The following RAD9B variants were observed in gnomAD, a reference collection of about 807,000 sequenced individuals.
RAD9B encodes the protein RAD9 checkpoint clamp component B, also known as cell cycle checkpoint control protein RAD9B.
A neutral mutation model predicts 48.3 loss-of-function variants in RAD9B; 41 were observed. The ratio of observed to expected loss-of-function variants is 0.85; its 90% confidence interval spans 0.66 to 1.10. The LOEUF (loss-of-function observed/expected upper bound fraction) is 1.10. Among genes scored for constraint, RAD9B ranks in the 50% least tolerant of loss-of-function variants. The probability of loss-of-function intolerance (pLI) is 0.00; values close to 1 mark genes in which losing one functional copy is unlikely to be tolerated. For missense variants in RAD9B, 444 were observed against 485.1 expected (o/e 0.92, Z 0.80); for synonymous variants, 160 against 157.9 (o/e 1.01, Z -0.10).
In RAD9B at chr12:110,503,801, C is replaced by T. The variant is rs1344734331; in HGVS notation, c.47-5C>T. 6.2e-7 allele frequency: 1 copy of T among 1,602,900 alleles called. No homozygotes were observed. Among genetic ancestry groups the T allele is most frequent in the East Asian group, 2.2e-5 (1 of 44,762 alleles). ...TATAAGCATCACCTTTCTTTTTCTC[C>T]ATAGTATTTGGGAAAGCAGTTCAAG... is the stretch of plus-strand genomic sequence containing the variant. On this transcript the variant is annotated splice_region_variant and splice_polypyrimidine_tract_variant and intron_variant, in intron 1 of 10. Coordinates refer to ENST00000409300, the MANE Select transcript of RAD9B (RefSeq NM_001286535.2).
At chr12:110,522,502 T>G in intron 10 of RAD9B, 91 bp downstream of exon 10, 1 of 874,488 alleles carries the variant, frequency 1.1e-6, no homozygotes, top group Non-Finnish European at 1.8e-6. Context: ...CCCAGCCATG[T>G]TCTGAAAATT....
At chr12:110,510,174 C>T (rs920685160) in intron 4 of RAD9B, among the ~76,000 whole-genome samples, 1 of 152,202 alleles carries the variant, frequency 6.6e-6, no homozygotes, top group African/African-American at 2.4e-5. Context: ...CATGTTTCCT[C>T]CTCAGGGTGT....
At chr12:110,530,105 C>T (rs767917771) in intron 10 of RAD9B, among the ~76,000 whole-genome samples, 1 of 152,118 alleles carries the variant, frequency 6.6e-6, no homozygotes, top group African/African-American at 2.4e-5. Context: ...TGCAGTGGCA[C>T]GATCTCGGCT....
At chr12:110,523,389 T>G (rs1013106394) in intron 10 of RAD9B, among the ~76,000 whole-genome samples, 6 of 152,168 alleles carry the variant, frequency 3.9e-5, no homozygotes, top group African/African-American at 1.4e-4. Context: ...ATCGCACAAC[T>G]GCACTCCAGC....
intron 10 of RAD9B, among the ~76,000 whole-genome samples, chr12:110,527,904 C>T (rs538108395): frequency 1.3e-4 from 20 of 152,016 alleles, no homozygotes; most frequent in Admixed American, 8.5e-4. Context: ...TCAGGGAGGG[C>T]GGCCTGTGCA....
chr12:110,511,847 C>T (rs948615330), intron 4 of RAD9B, among the ~76,000 whole-genome samples: 4 of 151,806 alleles, frequency 2.6e-5, no homozygotes, highest in African/African-American at 9.7e-5. Flanking sequence ...GTACCCCATA[C>T]ATTTTTTCTT....
chr12:110,506,835 G>A, intron 4 of RAD9B, 142 bp downstream of exon 4: 1 of 470,974 alleles, frequency 2.1e-6, no homozygotes, highest in East Asian at 4.2e-5. Flanking sequence ...GCAGTTTGAA[G>A]TATTATCCTT....
intron 2 of RAD9B, among the ~76,000 whole-genome samples, chr12:110,504,890 C>T (rs1359341853): frequency 6.6e-6 from 1 of 151,918 alleles, no homozygotes; most frequent in Non-Finnish European, 1.5e-5. Context: ...GTAGTCCCAG[C>T]TACTTGGAAG....
intron 5 of RAD9B, among the ~76,000 whole-genome samples, chr12:110,514,136 C>T (rs1207999340): frequency 6.6e-6 from 1 of 151,818 alleles, no homozygotes; most frequent in Non-Finnish European, 1.5e-5. Flanking sequence ...TATTTGGTAT[C>T]TTGTATAACT....
chr12:110,504,777 A>G (rs2063210349), intron 2 of RAD9B, among the ~76,000 whole-genome samples: 1 of 152,150 alleles, frequency 6.6e-6, no homozygotes, highest in South Asian at 2.1e-4. Context: ...CAGGAGGATC[A>G]CTTGAGCCCA....
chr12:110,530,209 A>AT lies in RAD9B; in HGVS notation c.1126-307dup, dbSNP rs531997625. ...AGGTGTCCGCCACCACACCCAGCTA[A>AT]TTTTTTTTTGTATTTTTAGTAGAGA... On this transcript the variant is annotated intron_variant, in intron 10 of 10. Transcript: ENST00000409300. Among the ~76,000 whole-genome samples the AT allele has an allele frequency of 4.5e-3, 683 of 150,888 alleles. 5 individuals carry two copies. Among genetic ancestry groups the AT allele is most frequent in the Non-Finnish European group, 7.3e-3 (491 of 67,612 alleles).
chr12:110,520,628 C>CTTTTTTTTTTTTTTTT (rs71083129), intron 9 of RAD9B, among the ~76,000 whole-genome samples: 133 of 99,852 alleles, frequency 1.3e-3, no homozygotes, highest in East Asian at 1.9e-3. Context: ...TTCTTGCTTT[C>CTTTTTTTTTTTTTTTT]TTTTTTTTTT....
At chr12:110,525,026 G>A (rs1022100519) in intron 10 of RAD9B, among the ~76,000 whole-genome samples, 16 of 151,416 alleles carry the variant, frequency 1.1e-4, no homozygotes, top group South Asian at 4.2e-4. Flanking sequence ...TTTCATTTTC[G>A]CCCAGGCTAG....
At chr12:110,529,739 A>G (rs73191838) in intron 10 of RAD9B, among the ~76,000 whole-genome samples, 7,899 of 152,286 alleles carry the variant, frequency 0.052, 279 homozygotes, top group Middle Eastern at 0.095. Flanking sequence ...GCAAAACCTG[A>G]TAACAAATAA....
At chr12:110,522,892 T>C (rs1275990829) in intron 10 of RAD9B, among the ~76,000 whole-genome samples, 1 of 152,214 alleles carries the variant, frequency 6.6e-6, no homozygotes, top group African/African-American at 2.4e-5. Flanking sequence ...TCCCAGTTAA[T>C]AACATCTTAT....
intron 9 of RAD9B, 113 bp from the exon 10 acceptor site, chr12:110,522,063 TC>T (rs1421063024): frequency 3.0e-6 from 2 of 670,214 alleles, no homozygotes; most frequent in Non-Finnish European, 5.1e-6. Context: ...TCCATGTATT[TC>T]AATATATTCC....
chr12:110,521,449 C>T (rs1271008486), intron 9 of RAD9B, among the ~76,000 whole-genome samples: 4 of 152,042 alleles, frequency 2.6e-5, no homozygotes, highest in South Asian at 2.1e-4. Context: ...CCACTGCACC[C>T]GGCCTATCCT....
intron 4 of RAD9B, among the ~76,000 whole-genome samples, chr12:110,507,459 TAAG>T (rs1411910763): frequency 8.6e-6 from 1 of 115,702 alleles, no homozygotes; most frequent in East Asian, 2.5e-4. Flanking sequence ...TAACACGTAT[TAAG>T]TATAATATAT....
At chr12:110,512,964 C>T (rs1273959069) in intron 5 of RAD9B, 86 bp downstream of exon 5, 17 of 659,898 alleles carry the variant, frequency 2.6e-5, no homozygotes, top group Admixed American at 6.9e-5. Context: ...GCTTTTCAGT[C>T]GGCACATTTT....
Sources: allele counts gnomAD v4.1 joint callset (sites outside exome capture counted in the v4.1 genomes callset), GRCh38; gene constraint gnomAD v4.1.1; transcripts MANE v1.5; gene names NCBI Gene and HGNC (gene_info 2026-07-23, HGNC 2026-07-21).